Variants in P3H1 observed in about 807,000 individuals in gnomAD.
The protein encoded by P3H1 is growth suppressor 1.
P3H1 carries 69 observed loss-of-function variants against 84.0 expected under a neutral mutation model. The observed-to-expected ratio is 0.82, with a 90% CI of 0.68 to 1.00. The LOEUF (loss-of-function observed/expected upper bound fraction) is 1.00, where lower values mean the gene tolerates loss of function less well. P3H1 is among the 50% of genes least tolerant of loss of function. The probability of loss-of-function intolerance (pLI) is 0.00; values close to 1 mark genes in which losing one functional copy is unlikely to be tolerated. For missense variants in P3H1, 878 were observed against 962.8 expected, an observed-to-expected ratio of 0.91 and a Z score of 1.17; for synonymous variants, 366 against 388.8, an observed-to-expected ratio of 0.94 and a Z score of 0.69.
rs773414094 is a variant in P3H1, at chr1:42,762,446, T to G, written c.495A>C (p.Ala165=). 1 of 1,614,180 alleles carries G rather than the reference T, an allele frequency of 6.2e-7. No homozygotes were observed. The highest frequency in any genetic ancestry group is 8.5e-7 in the Non-Finnish European group (1 of 1,180,030). ...GATTGCCCACGAAGAAGGTGTGTGC[T>G]GCAGCAACAGCTTTCTCCAACTTGT... is the stretch of plus-strand genomic sequence containing the variant. ...KINKLEKAVA[A]AHTFFVGNPE... is the part of the protein sequence containing the mutation. Residue 165 remains alanine, a synonymous_variant, in exon 2 of 15, where the codon GCA becomes GCC. Transcript: ENST00000296388.
At chr1:42,762,187 CTT>C (rs1459585730) in intron 2 of P3H1, 134 bp downstream of exon 2, 3 of 873,416 alleles carry the variant, frequency 3.4e-6, no homozygotes, top group Admixed American at 1.9e-5. Flanking sequence ...TAGAGGGTCT[CTT>C]GAGTCCGGGA....
intron 1 of P3H1, 32 bp from the exon 2 acceptor site, chr1:42,762,507 C>T (rs201129479): frequency 1.2e-5 from 19 of 1,612,858 alleles, no homozygotes; most frequent in Non-Finnish European, 1.5e-5. Flanking sequence ...GTGGATAATG[C>T]TCACATCCAA....
At chr1:42,751,998 ACAGCCCTCTAGAAT>A (rs1391990639) in intron 10 of P3H1, among the ~76,000 whole-genome samples, 2 of 152,234 alleles carry the variant, frequency 1.3e-5, no homozygotes, top group Non-Finnish European at 2.9e-5. Context: ...GCACAGAAGC[ACAGCCCTCTAGAAT>A]CAGCCTTTCT....
chr1:42,759,960 C>G (rs915686841), intron 2 of P3H1: 1 of 151,398 alleles, frequency 6.6e-6, no homozygotes, highest in African/African-American at 2.5e-5. Flanking sequence ...CTTCCCCCCC[C>G]ATTAGTGACA....
At chr1:42,750,658 G>C (rs1218472617) in intron 10 of P3H1, among the ~76,000 whole-genome samples, 1 of 114,046 alleles carries the variant, frequency 8.8e-6, no homozygotes, top group Non-Finnish European at 1.8e-5. Flanking sequence ...GCCGGGGGGG[G>C]TGGTCGGCCA....
Position 42,758,852 on chromosome 1 carries a change from T to C in P3H1, c.940A>G (p.Ile314Val). The stretch of plus-strand genomic sequence containing the variant: ...AAAGAGGAAGGAAAGTAGGCCTTAC[T>C]GTTATAGTAGGCAAACTGCAGATAA... Reference protein sequence around the residue: ...YNYLQFAYYNIGNYTQAVECA... With the variant: ...YNYLQFAYYNVGNYTQAVECA... The change falls in exon 4 of 15, where the codon ATT becomes GTT. Residue 314 changes from isoleucine to valine, a missense_variant and splice_region_variant. Ile to Val is a conservative substitution (Grantham distance 29). Transcript: ENST00000296388. 6.2e-7 allele frequency: 1 copy of C among 1,614,152 alleles called. No individual in the cohort carries two copies. The highest frequency in any genetic ancestry group is 8.5e-7 in the Non-Finnish European group (1 of 1,179,980).
rs757634052 is a variant in P3H1 at position 42,752,602 on chromosome 1, G to A, written c.1408C>T (p.Gln470Ter). ...ATTACGCCGTCCATCACCACCCGCT[G>A]GGAACCATTCAGGAGTTTGGAGTTC... is the stretch of plus-strand genomic sequence containing the variant. ...TMNSKLLNGS[Q>*]RVVMDGVISD... is the part of the protein sequence containing the mutation. The change falls in exon 9 of 15, where the codon CAG becomes TAG. Residue 470 changes from glutamine (Q) to a stop codon, truncating the protein, a stop_gained. Coordinates refer to ENST00000296388, the MANE Select transcript of P3H1 (RefSeq NM_022356.4). LOFTEE classifies it high-confidence loss of function. The A allele has an allele frequency of 1.9e-6, 3 of 1,614,052 alleles. No individual in the cohort carries two copies. Among genetic ancestry groups the A allele is most frequent in the East Asian group, 4.5e-5 (2 of 44,900 alleles).
intron 7 of P3H1, 69 bp downstream of exon 7, chr1:42,755,096 C>T: frequency 6.2e-7 from 1 of 1,613,260 alleles, no homozygotes; most frequent in Non-Finnish European, 8.5e-7. Flanking sequence ...TTCACATCTG[C>T]CTGGGCTCAG....
In P3H1 at chr1:42,750,213, G is replaced by A. The variant is rs1340455468; in HGVS notation, c.1693C>T (p.His565Tyr). The A allele has an allele frequency of 2.5e-6, 4 of 1,613,432 alleles. No homozygotes were observed. The highest frequency in any genetic ancestry group is 3.4e-6 in the Non-Finnish European group (4 of 1,179,804). ...TCGATGGCAGTGCGGCACACCAGATGAGAGTAGGAAAAGTAGAGGGGCGTA... is the reference window on the plus strand; with the variant it reads ...TCGATGGCAGTGCGGCACACCAGATAAGAGTAGGAAAAGTAGAGGGGCGTA... ...LDTPLYFSYS[H>Y]LVCRTAIEEV... The change falls in exon 11 of 15, where the codon CAT becomes TAT. Residue 565 changes from histidine (H) to tyrosine (Y), a missense_variant. Transcript: ENST00000296388.
At chr1:42,750,722 C>T (rs1652011072) in intron 10 of P3H1, among the ~76,000 whole-genome samples, 4 of 123,460 alleles carry the variant, frequency 3.2e-5, no homozygotes, top group African/African-American at 1.0e-4. Context: ...CGGCCGGCCG[C>T]CCTGTCCGGG....
At position 42,748,235 on chromosome 1, in the gene P3H1, G is replaced by T. The variant is rs1651843114; in HGVS notation, c.1803C>A (p.Val601=). 1 of 1,613,790 alleles carries T rather than the reference G, an allele frequency of 6.2e-7. No homozygotes were observed. The highest frequency in any genetic ancestry group is 2.2e-5 in the East Asian group (1 of 44,876). Reference sequence around the variant, plus strand: ...GGAAGGTGTAGGCTGGGGGCTCTTTGACACACACGAGGGTCTCGGCATTCA... The same window carrying T: ...GGAAGGTGTAGGCTGGGGGCTCTTTTACACACACGAGGGTCTCGGCATTCA... The part of the protein sequence containing the change: ...CILNAETLVC[V]KEPPAYTFRD... Residue 601 remains valine, a synonymous_variant, in exon 12 of 15, where the codon GTC becomes GTA. Transcript: ENST00000296388.
In P3H1 at chr1:42,757,864, A is replaced by C. The variant is rs1279093397; in HGVS notation, c.999T>G (p.Asn333Lys). 3.7e-6 allele frequency: 6 copies of C among 1,614,210 alleles called. No individual in the cohort carries two copies. The South Asian group carries it at 4.4e-5, about 12-fold the overall frequency. The change falls in exon 5 of 15, where the codon AAT becomes AAG. Residue 333 changes from asparagine to lysine, a missense_variant. Transcript: ENST00000296388. ...CAKTYLLFFP[N>K]DEVMNQNLAY... is the part of the protein sequence containing the mutation. ...CCAAATTTTGGTTCATCACCTCGTC[A>C]TTGGGGAAGAAGAGAAGATAGGTCT...
intron 5 of P3H1, 123 bp downstream of exon 5, chr1:42,757,660 C>A: frequency 7.1e-7 from 1 of 1,416,176 alleles, no homozygotes; most frequent in East Asian, 2.3e-5. Flanking sequence ...CACATCTGGC[C>A]CCAACACTGA....
intron 6 of P3H1, 79 bp downstream of exon 6, chr1:42,755,469 A>G: frequency 1.6e-6 from 2 of 1,273,284 alleles, no homozygotes; most frequent in South Asian, 2.4e-5. Context: ...TCAGAATCGC[A>G]CAGTGTTCCC....
At chr1:42,766,404 C>T (rs1652999519) in intron 1 of P3H1, 103 bp downstream of exon 1, 1 of 1,087,368 alleles carries the variant, frequency 9.2e-7, no homozygotes, top group East Asian at 2.6e-5. Flanking sequence ...GCCACTTTCC[C>T]CTCCCTGCGG....
Position 42,762,709 on chromosome 1 carries a change from T to A in P3H1, c.466-234A>T, listed in dbSNP as rs193193821. Among the ~76,000 whole-genome samples, 284 of 152,300 alleles carry A rather than the reference T, an allele frequency of 1.9e-3. 1 individual carries two copies. The highest frequency in any genetic ancestry group is 6.1e-3 in the African/African-American group (252 of 41,554). ...CTCTTTCCCAAGTCAGATTTAGGGG[T>A]TCCCCAGATTACAGGAAGTAGCAAT... On this transcript the variant is annotated intron_variant, in intron 1 of 14. Transcript: ENST00000296388.
chr1:42,755,161 T>C lies in P3H1; in HGVS notation c.1223+4A>G. On this transcript the variant is annotated splice_donor_region_variant and intron_variant, in intron 7 of 14. Transcript: ENST00000296388. ...CAACCATGCAGTTTCTTCAAGGTCC[T>C]CACTTCTGTTTCTCTTGCAATCTCT... The C allele has an allele frequency of 6.2e-7, 1 of 1,614,080 alleles. No homozygotes were observed. Among genetic ancestry groups the C allele is most frequent in the Non-Finnish European group, 8.5e-7 (1 of 1,179,906 alleles).
intron 2 of P3H1, among the ~76,000 whole-genome samples, chr1:42,759,619 A>G (rs1473377746): frequency 6.6e-6 from 1 of 152,134 alleles, no homozygotes; most frequent in Non-Finnish European, 1.5e-5. Flanking sequence ...TTTGAGACAG[A>G]GTCTCACTCT....
chr1:42,747,260 A>C lies in P3H1; in HGVS notation c.2055+12T>G. ...AGCACCAGCTGCTCTCACCCGCTCG[A>C]GCTGCTCTCACCCGCTCGCTGTGTC... is the stretch of plus-strand genomic sequence containing the variant. On this transcript the variant is annotated intron_variant, in intron 14 of 14. Coordinates refer to ENST00000296388, the MANE Select transcript of P3H1 (RefSeq NM_022356.4). 6.2e-7 allele frequency: 1 copy of C among 1,613,596 alleles called. No individual in the cohort carries two copies. The highest frequency in any genetic ancestry group is 8.5e-7 in the Non-Finnish European group (1 of 1,179,630).
Sources: gnomAD v4.1 joint callset for allele counts (sites outside exome capture counted in the v4.1 genomes callset) on GRCh38, gnomAD v4.1.1 for gene constraint, MANE v1.5 for transcripts, NCBI Gene and HGNC (gene_info 2026-07-23, HGNC 2026-07-21) for gene names.